NBAS: variants seen among roughly 807,000 people sequenced by gnomAD.
The protein encoded by NBAS is NBAS subunit of NRZ tethering complex.
In NBAS, 219 loss-of-function variants were observed where a neutral mutation model predicts 302.5. The ratio of observed to expected loss-of-function variants is 0.72; its 90% CI spans 0.65 to 0.81. NBAS has a LOEUF of 0.81. Ranked by LOEUF, NBAS falls within the 30% of genes least tolerant of loss-of-function variation. The probability of loss-of-function intolerance (pLI) is 0.00; values close to 1 mark genes in which losing one functional copy is unlikely to be tolerated. For missense variants in NBAS, 2,932 were observed against 2,841.6 expected (o/e 1.03, Z -0.72); for synonymous variants, 1,118 against 1,021.6 (o/e 1.09, Z -1.80).
At chr2:14,837,962 A>G in the NBAS span, among the ~76,000 whole-genome samples, 1 of 151,916 alleles carries the variant, frequency 6.6e-6, no homozygotes, top group African/African-American at 2.4e-5. Context: ...TCATTCTTAA[A>G]GAATATATTT....
intron 27 of NBAS, among the ~76,000 whole-genome samples, chr2:15,395,421 T>C (rs1434889246): frequency 1.3e-5 from 2 of 152,024 alleles, no homozygotes; most frequent in Non-Finnish European, 2.9e-5. Flanking sequence ...CAACCTATAA[T>C]AGGAAAAGCT....
intron 35 of NBAS, among the ~76,000 whole-genome samples, chr2:15,346,848 G>A (rs1362709332): frequency 6.6e-6 from 1 of 152,190 alleles, no homozygotes; most frequent in Admixed American, 6.5e-5. Flanking sequence ...CATGACCTTT[G>A]CAGGGACATA....
At chr2:15,255,578 T>C (rs1409518841) in intron 44 of NBAS, among the ~76,000 whole-genome samples, 2 of 152,188 alleles carry the variant, frequency 1.3e-5, no homozygotes, top group African/African-American at 2.4e-5. Flanking sequence ...ACCATCTATT[T>C]ATCTTTGGTT....
At chr2:15,421,755 C>A (rs1245020387) in intron 23 of NBAS, among the ~76,000 whole-genome samples, 1 of 152,100 alleles carries the variant, frequency 6.6e-6, no homozygotes. Context: ...TTCAAGGTGT[C>A]CAGGCATTAT....
the NBAS span, among the ~76,000 whole-genome samples, chr2:15,161,813 T>C: frequency 3.9e-5 from 6 of 152,112 alleles, no homozygotes; most frequent in African/African-American, 1.4e-4. Flanking sequence ...AGGGTCCTGA[T>C]CTCTCAAGCA....
chr2:15,287,326 C>T, intron 41 of NBAS, 143 bp from the exon 42 acceptor site: 1 of 703,966 alleles, frequency 1.4e-6, no homozygotes, highest in South Asian at 1.5e-5. Flanking sequence ...CACAGTGATC[C>T]AGGAAAAGTA....
At chr2:15,269,079 T>A (rs1669202199) in intron 44 of NBAS, among the ~76,000 whole-genome samples, 1 of 151,964 alleles carries the variant, frequency 6.6e-6, no homozygotes, top group African/African-American at 2.4e-5. Context: ...GGCACATGAG[T>A]GGGAAACCTG....
the NBAS span, among the ~76,000 whole-genome samples, chr2:14,967,626 T>C: frequency 6.6e-6 from 1 of 152,156 alleles, no homozygotes; most frequent in African/African-American, 2.4e-5. Context: ...AAGGATAGGA[T>C]TAAATCTCTG....
At chr2:15,287,248 G>A (rs913905585) in intron 41 of NBAS, 65 bp from the exon 42 acceptor site, 8 of 1,282,742 alleles carry the variant, frequency 6.2e-6, no homozygotes, top group Middle Eastern at 1.8e-4. Flanking sequence ...AATCAGCAAC[G>A]AAAATGCTCA....
intron 16 of NBAS, among the ~76,000 whole-genome samples, chr2:15,468,751 T>C (rs1679832960): frequency 2.0e-5 from 3 of 152,236 alleles, no homozygotes. Flanking sequence ...GCTTGCTTTC[T>C]TCCTCTAATG....
At chr2:15,047,340 G>A in the NBAS span, among the ~76,000 whole-genome samples, 1 of 152,266 alleles carries the variant, frequency 6.6e-6, no homozygotes, top group Non-Finnish European at 1.5e-5. Flanking sequence ...AAACCAAGTG[G>A]CAGGTGAAGG....
At chr2:15,108,491 A>C in the NBAS span, among the ~76,000 whole-genome samples, 1 of 152,128 alleles carries the variant, frequency 6.6e-6, no homozygotes, top group African/African-American at 2.4e-5. Flanking sequence ...ACTTGATGTT[A>C]AACCCAAGAA....
At chr2:15,396,763 T>C (rs1233691608) in intron 26 of NBAS, among the ~76,000 whole-genome samples, 1 of 152,180 alleles carries the variant, frequency 6.6e-6, no homozygotes, top group Non-Finnish European at 1.5e-5. Flanking sequence ...ATCGATTGTT[T>C]ATTTAAGATG....
chr2:15,203,890 T>TTGCGTGTG (rs1666010162), intron 48 of NBAS, among the ~76,000 whole-genome samples: 1 of 129,460 alleles, frequency 7.7e-6, no homozygotes, highest in African/African-American at 2.8e-5. Context: ...GTGTGTGTGC[T>TTGCGTGTG]TGTGTGTGTG....
chr2:15,315,133 A>G (rs1671449556), intron 38 of NBAS, among the ~76,000 whole-genome samples: 1 of 152,192 alleles, frequency 6.6e-6, no homozygotes, highest in East Asian at 1.9e-4. Context: ...TACAACTAAG[A>G]TTTTTGTAAT....
the NBAS span, among the ~76,000 whole-genome samples, chr2:15,025,505 C>T: frequency 6.6e-6 from 1 of 152,088 alleles, no homozygotes; most frequent in Non-Finnish European, 1.5e-5. Flanking sequence ...TGAAGAATGT[C>T]ATTGGTAGTT....
chr2:14,863,704 C>A, the NBAS span, among the ~76,000 whole-genome samples: 1 of 152,318 alleles, frequency 6.6e-6, no homozygotes, highest in African/African-American at 2.4e-5. Flanking sequence ...CTTATGTAAA[C>A]ATTCTTGAAA....
rs562303500 is a variant in NBAS at position 15,503,937 on chromosome 2, T to C, written c.954+208A>G. On this transcript the variant is annotated intron_variant, in intron 11 of 51. Transcript: ENST00000281513. Reference sequence around the variant, plus strand: ...GGTATATTCTCTATAATTATTTTTCTTTTAAGATAAGGTTGATACACAGTA... The same window carrying C: ...GGTATATTCTCTATAATTATTTTTCCTTTAAGATAAGGTTGATACACAGTA... Among the ~76,000 whole-genome samples the C allele has an allele frequency of 8.3e-4, 126 of 152,350 alleles. No individual in the cohort carries two copies. The South Asian group carries it at 0.025, about 30-fold the overall frequency.
At chr2:15,551,432 A>G in intron 6 of NBAS, 61 bp downstream of exon 6, 1 of 1,113,294 alleles carries the variant, frequency 9.0e-7, no homozygotes, top group Admixed American at 2.0e-5. Flanking sequence ...ACTTTTAAGA[A>G]ACATTGGAAA....
Sources: allele counts gnomAD v4.1 joint callset (sites outside exome capture counted in the v4.1 genomes callset), GRCh38; gene constraint gnomAD v4.1.1; transcripts MANE v1.5; gene names NCBI Gene and HGNC (gene_info 2026-07-23, HGNC 2026-07-21).